The following ZNF74 variants were observed in gnomAD, a reference collection of about 807,000 sequenced individuals.
ZNF74 encodes the protein zinc finger protein 74.
Under a neutral mutation model 17.7 loss-of-function variants are expected in ZNF74, and 12 were observed. The ratio of observed to expected loss-of-function variants is 0.68; its 90% CI spans 0.43 to 1.10. ZNF74 has a LOEUF of 1.10. ZNF74 is among the 50% of genes least tolerant of loss of function. The pLI is 0.00. For synonymous variants in ZNF74, 358 were observed against 362.1 expected, an observed-to-expected ratio of 0.99 and a Z score of 0.13; for missense variants, 811 against 881.0, an observed-to-expected ratio of 0.92 and a Z score of 1.01.
Position 20,407,012 on chromosome 22 carries a change from A to G in ZNF74, c.*44A>G, listed in dbSNP as rs2052440398. 2.6e-6 allele frequency: 4 copies of G among 1,556,580 alleles called. No homozygotes were observed. In the African/African-American group the frequency reaches 5.4e-5, roughly 21 times the overall value. Reference sequence around the variant, plus strand: ...CAGTAGCTGCTTTCTGAGCTACTCAACAAGGAAAGCACCCTGGTCCTCCCT... The same window carrying G: ...CAGTAGCTGCTTTCTGAGCTACTCAGCAAGGAAAGCACCCTGGTCCTCCCT... On this transcript the variant is annotated 3_prime_UTR_variant, in exon 5 of 5. Transcript: ENST00000400451.
In ZNF74 at chr22:20,406,974, T is replaced by C. The variant is rs748839663; in HGVS notation, c.*6T>C. 1.1e-5 allele frequency: 18 copies of C among 1,603,642 alleles called. No homozygotes were observed. The highest frequency in any genetic ancestry group is 1.4e-5 in the Non-Finnish European group (17 of 1,174,598). On this transcript the variant is annotated 3_prime_UTR_variant, in exon 5 of 5. Transcript: ENST00000400451. The stretch of plus-strand genomic sequence containing the variant: ...GGAGCAAACCTCGAAACTAACATGA[T>C]GTGCTTTGGTGTCAGTAGCTGCTTT...
rs2052362765 is a variant in ZNF74 at position 20,401,900 on chromosome 22, G to C, written c.343+528G>C. Among the ~76,000 whole-genome samples the C allele has an allele frequency of 6.6e-6, 1 of 152,160 alleles. No homozygotes were observed. The highest frequency in any genetic ancestry group is 2.4e-5 in the African/African-American group (1 of 41,442). On this transcript the variant is annotated intron_variant, in intron 4 of 4. Transcript: ENST00000400451. This position sits in a 1 kb window ranked among gnomAD's most constrained non-coding sequence, Gnocchi z 4.2. ...AGCATCAGCATTAGGGTCAGCATCA[G>C]CGTCAGGGTCAGGGTCAACGTCAGC...
At chr22:20,403,712 C>G (rs1466982197) in intron 4 of ZNF74, among the ~76,000 whole-genome samples, 4 of 152,104 alleles carry the variant, frequency 2.6e-5, no homozygotes, top group Non-Finnish European at 5.9e-5. Flanking sequence ...GAGGCTGCAG[C>G]GAGCTGTGAT....
chr22:20,405,303 A>T, intron 4 of ZNF74, 74 bp from the exon 5 acceptor site: 1 of 1,472,658 alleles, frequency 6.8e-7, no homozygotes, highest in Non-Finnish European at 9.2e-7. Context: ...CTGCATCTCC[A>T]GGCCAATTCT....
At chr22:20,400,860 T>C in intron 3 of ZNF74, 102 bp downstream of exon 3, 1 of 1,395,662 alleles carries the variant, frequency 7.2e-7, no homozygotes, top group African/African-American at 1.4e-5. Context: ...GTGCCAGATA[T>C]ATCATGGGGT....
At chr22:20,399,022 T>A (rs1462535166) in intron 2 of ZNF74, among the ~76,000 whole-genome samples, 4 of 152,246 alleles carry the variant, frequency 2.6e-5, no homozygotes, top group African/African-American at 9.6e-5. Context: ...TCTATTGTCA[T>A]CAAAGAATGA....
intron 2 of ZNF74, among the ~76,000 whole-genome samples, chr22:20,398,541 G>A: frequency 6.6e-6 from 1 of 152,090 alleles, no homozygotes; most frequent in Middle Eastern, 3.2e-3. Flanking sequence ...GTATGGCTGT[G>A]CATTTTAATT....
chr22:20,407,128 T>A lies in ZNF74; in HGVS notation c.*160T>A. 2 of 1,195,354 alleles carry A rather than the reference T, an allele frequency of 1.7e-6. No individual in the cohort carries two copies. Among genetic ancestry groups the A allele is most frequent in the Non-Finnish European group, 2.3e-6 (2 of 882,798 alleles). The allele number at this position is 1,195,354 out of a possible 1,614,324, so 74.0% of individuals were successfully genotyped here. A position where few individuals can be genotyped will look rare whatever the true frequency, so the allele number is the denominator to read the frequency against. Reference sequence around the variant, plus strand: ...TGCATGCCAGGGTGCCTCCTCTAGTTAAAGTCAGTCACCTCCCCAGAAGGG... The same window carrying A: ...TGCATGCCAGGGTGCCTCCTCTAGTAAAAGTCAGTCACCTCCCCAGAAGGG... On this transcript the variant is annotated 3_prime_UTR_variant, in exon 5 of 5. Transcript: ENST00000400451.
At chr22:20,398,316 CA>C (rs362022) in intron 2 of ZNF74, among the ~76,000 whole-genome samples, 64 of 128,156 alleles carry the variant, frequency 5.0e-4, no homozygotes, top group African/African-American at 7.7e-4. Flanking sequence ...GACCATGTCT[CA>C]AAAAAAAAAA....
In ZNF74 at chr22:20,405,917, G is replaced by C; in HGVS notation, c.884G>C (p.Arg295Pro). 5 of 1,613,566 alleles carry C rather than the reference G, an allele frequency of 3.1e-6. No individual in the cohort carries two copies. The highest frequency in any genetic ancestry group is 4.2e-6 in the Non-Finnish European group (5 of 1,179,864). The change falls in exon 5 of 5, where the codon CGG becomes CCG. Residue 295 changes from arginine to proline, a missense_variant. Physicochemically the swap from Arg to Pro is moderately radical, Grantham distance 103 (BLOSUM62 -2). Around this residue, in one of 3 missense-constraint regions of ZNF74, gnomAD observed 666 missense variants for 702.3 expected, o/e 0.95. Transcript: ENST00000400451. ...TGGAGCACCAACCTTCTGGAGCACC[G>C]GCGCATCCACACCGGCGAGAAGCCC... ...FTWSTNLLEH[R>P]RIHTGEKPFF...
intron 2 of ZNF74, among the ~76,000 whole-genome samples, chr22:20,396,150 AG>A (rs1434296982): frequency 6.7e-6 from 1 of 149,624 alleles, no homozygotes; most frequent in African/African-American, 2.5e-5. Context: ...TGGAGGAATA[AG>A]GGGTCTTTGG....
intron 1 of ZNF74, 121 bp downstream of exon 1, chr22:20,394,783 A>C: frequency 1.1e-6 from 1 of 944,846 alleles, no homozygotes; most frequent in African/African-American, 1.7e-5. Context: ...TTTTAAATGG[A>C]ATCTCACTCT....
rs750425011 is a variant in ZNF74, at chr22:20,406,844, G to A, written c.1811G>A (p.Gly604Asp). The A allele has an allele frequency of 5.0e-6, 8 of 1,614,108 alleles. No individual in the cohort carries two copies. Among genetic ancestry groups the A allele is most frequent in the Non-Finnish European group, 8.5e-7 (1 of 1,180,042 alleles). The change falls in exon 5 of 5, where the codon GGT becomes GAT. Residue 604 changes from glycine (G) to aspartate (D), a missense_variant. This residue lies in a region of ZNF74 where 115 missense variants were observed against 119.5 expected (regional missense o/e 0.96). Transcript: ENST00000400451. The part of the protein sequence containing the change: ...STYYVPGSLL[G>D]AGDAGLRDVD... ...TACTACGTGCCTGGCAGCCTGCTGG[G>A]TGCAGGGGATGCTGGACTGAGGGAC...
In ZNF74 at chr22:20,405,720, A is replaced by G. The variant is rs2052410113; in HGVS notation, c.687A>G (p.Pro229=). The part of the protein sequence containing the change: ...AGENASTPSE[P]EKFPQVRRQR... ...AAAACGCCTCCACGCCAAGTGAGCC[A>G]GAAAAGTTCCCCCAGGTGCGCCGGC... The change falls in exon 5 of 5, where the codon CCA becomes CCG. Residue 229 remains proline, a synonymous_variant. Coordinates refer to ENST00000400451, the MANE Select transcript of ZNF74 (RefSeq NM_003426.4). The G allele has an allele frequency of 6.2e-7, 1 of 1,603,896 alleles. No homozygotes were observed. The highest frequency in any genetic ancestry group is 1.7e-5 in the Admixed American group (1 of 58,230).
Position 20,406,013 on chromosome 22 carries a change from C to T in ZNF74, c.980C>T (p.Thr327Met), listed in dbSNP as rs774994451. Residue 327 changes from threonine to methionine, a missense_variant, in exon 5 of 5, where the codon ACG (threonine) becomes ATG (methionine). Physicochemically the swap from Thr to Met is moderately conservative, Grantham distance 81. This residue lies in a region of ZNF74 where 666 missense variants were observed against 702.3 expected (regional missense o/e 0.95). Transcript: ENST00000400451. ...CTCAACGTGCACCAGCGCATCCACA[C>T]GGGCGAGCGGCCCTACAAGTGCAGC... is the stretch of plus-strand genomic sequence containing the variant. ...SSLNVHQRIH[T>M]GERPYKCSAC... The T allele has an allele frequency of 3.1e-6, 5 of 1,612,992 alleles. No homozygotes were observed. Among genetic ancestry groups the T allele is most frequent in the Non-Finnish European group, 3.4e-6 (4 of 1,179,656 alleles).
rs373076564 is a variant in ZNF74 at position 20,394,676 on chromosome 22, C to G, written c.34+14C>G. On this transcript the variant is annotated intron_variant, in intron 1 of 4. Coordinates refer to ENST00000400451, the MANE Select transcript of ZNF74 (RefSeq NM_003426.4). ...CCGAGAAGACAGGTACAGCTTCACT[C>G]TTGTAGTCAGTATGTCTGTGGATTT... 202 of 1,613,718 alleles carry G rather than the reference C, an allele frequency of 1.3e-4. No individual in the cohort carries two copies. The highest frequency in any genetic ancestry group is 1.7e-4 in the Non-Finnish European group (195 of 1,179,792).
Position 20,406,125 on chromosome 22 carries a change from G to T in ZNF74, c.1092G>T (p.Glu364Asp). 2.5e-6 allele frequency: 4 copies of T among 1,612,252 alleles called. No homozygotes were observed. The highest frequency in any genetic ancestry group is 3.4e-6 in the Non-Finnish European group (4 of 1,179,570). Reference sequence around the variant, plus strand: ...GCGAGAAGCCCTACCGGTGCGGCGAGTGCGGCAAGGCCTTCAACCAGCGTA... The same window carrying T: ...GCGAGAAGCCCTACCGGTGCGGCGATTGCGGCAAGGCCTTCAACCAGCGTA... ...HTGEKPYRCG[E>D]CGKAFNQRTH... Residue 364 changes from glutamate (E) to aspartate (D), a missense_variant, in exon 5 of 5, where the codon GAG becomes GAT. This residue lies in a region of ZNF74 where 666 missense variants were observed against 702.3 expected (regional missense o/e 0.95). Coordinates refer to ENST00000400451, the MANE Select transcript of ZNF74 (RefSeq NM_003426.4).
Position 20,396,306 on chromosome 22 carries a change from A to G in ZNF74, c.120+888A>G, listed in dbSNP as rs2052293406. ...TCTGTAGTGTGTCACAATGCTTTAT[A>G]GTCCTCAAGAAACTTGACAGTCAAA... is the stretch of plus-strand genomic sequence containing the variant. On this transcript the variant is annotated intron_variant, in intron 2 of 4. Transcript: ENST00000400451. Among the ~76,000 whole-genome samples, 3 of 152,032 alleles carry G rather than the reference A, an allele frequency of 2.0e-5. 1 individual carries two copies. In the South Asian group the frequency reaches 6.2e-4, roughly 32 times the overall value.
rs952465438 is a variant in ZNF74 at position 20,399,251 on chromosome 22, A to G, written c.121-1381A>G. 2.6e-5 allele frequency among the ~76,000 whole-genome samples: 4 copies of G among 152,308 alleles called. No homozygotes were observed. The South Asian group carries it at 8.3e-4, about 32-fold the overall frequency. ...TTATGTATTTTGAAGCTCTTTTAGT[A>G]GATACATTTATATTTAGGATTGCTA... On this transcript the variant is annotated intron_variant, in intron 2 of 4. Transcript: ENST00000400451.
Sources: gnomAD v4.1 joint callset for allele counts (sites outside exome capture counted in the v4.1 genomes callset) on GRCh38, gnomAD v4.1.1 for gene constraint, gnomAD v4.1.1 regional missense constraint, Gnocchi (gnomAD v3.1) non-coding constraint, MANE v1.5 for transcripts, NCBI Gene and HGNC (gene_info 2026-07-23, HGNC 2026-07-21) for gene names.